Variants in INSL6 observed in about 807,000 individuals in gnomAD.
INSL6 encodes insulin-like peptide INSL6.
In INSL6, 16 loss-of-function variants were observed where a neutral mutation model predicts 9.4. The observed-to-expected ratio is 1.70, with a 90% CI of 1.15 to 2.59. INSL6 has a LOEUF of 2.59. Ranked by LOEUF, INSL6 falls within the 30% of genes most tolerant of loss-of-function variation. The pLI, the probability that INSL6 is intolerant of heterozygous loss-of-function variation, is 0.00. For missense variants in INSL6, 391 were observed against 257.3 expected (o/e 1.52, Z -3.56); for synonymous variants, 154 against 96.9 (o/e 1.59, Z -3.46).
At chr9:5,083,391 G>A in the INSL6 span, among the ~76,000 whole-genome samples, 3 of 152,142 alleles carry the variant, frequency 2.0e-5, no homozygotes, top group African/African-American at 7.2e-5. Context: ...GCTAGGATAA[G>A]GTTCTCACTA....
chr9:5,146,889 T>A (rs1035613018), intron 2 of INSL6, among the ~76,000 whole-genome samples: 5 of 152,110 alleles, frequency 3.3e-5, no homozygotes, highest in Admixed American at 3.3e-4. Flanking sequence ...AGCTATGGTG[T>A]GGGCCTCAGG....
the INSL6 span, chr9:5,112,113 C>T: frequency 6.0e-6 from 2 of 334,994 alleles, no homozygotes; most frequent in South Asian, 4.7e-5. Flanking sequence ...AGGGCATCCA[C>T]GTGCTCTGCA....
the INSL6 span, among the ~76,000 whole-genome samples, chr9:5,028,631 A>G: frequency 2.0e-5 from 3 of 152,180 alleles, no homozygotes; most frequent in Admixed American, 6.5e-5. Context: ...CTGAAAATCT[A>G]TTGTTTATCA....
the INSL6 span, chr9:5,069,852 T>A: frequency 1.0e-6 from 1 of 979,030 alleles, no homozygotes; most frequent in South Asian, 2.2e-5. Flanking sequence ...ACACATTTCA[T>A]TTTACTCCTC....
At chr9:5,003,977 A>G in the INSL6 span, among the ~76,000 whole-genome samples, 1 of 152,116 alleles carries the variant, frequency 6.6e-6, no homozygotes, top group Non-Finnish European at 1.5e-5. Context: ...CATTGTGCTA[A>G]TAATGTAAAA....
Position 5,148,852 on chromosome 9 carries a change from C to G in INSL6, c.377-15260G>C, listed in dbSNP as rs145932221. ...AGGTAGAGCAAGGCACCAGGCTGTG[C>G]ATCAGAGGCTTCACTGATTACACTA... On this transcript the variant is annotated intron_variant, in intron 2 of 3. Coordinates refer to the INSL6 transcript ENST00000649639. 8.8e-3 allele frequency among the ~76,000 whole-genome samples: 1,335 copies of G among 152,322 alleles called. 17 individuals carry two copies. The highest frequency in any genetic ancestry group is 0.029 in the African/African-American group (1,210 of 41,562).
At chr9:5,125,932 C>T (rs1385457662) in intron 3 of INSL6, 2 of 152,344 alleles carry the variant, frequency 1.3e-5, no homozygotes, top group African/African-American at 4.8e-5. Context: ...TAAACTTTGA[C>T]ATATGAAAGT....
downstream of INSL6, chr9:5,123,116 C>G: frequency 1.3e-6 from 2 of 1,576,970 alleles, no homozygotes; most frequent in African/African-American, 2.7e-5. Flanking sequence ...TAAAAGTCCA[C>G]CAGCGGTCAG....
chr9:5,003,644 C>T, the INSL6 span, among the ~76,000 whole-genome samples: 1 of 152,048 alleles, frequency 6.6e-6, no homozygotes. Context: ...GACATGTCCT[C>T]TATGAATACT....
At chr9:5,006,472 T>G in the INSL6 span, among the ~76,000 whole-genome samples, 112 of 152,296 alleles carry the variant, frequency 7.4e-4, no homozygotes, top group African/African-American at 2.6e-3. Flanking sequence ...CTCATATTGC[T>G]ATAAAGAGCT....
chr9:5,175,385 C>CT (rs1825275700), intron 1 of INSL6, among the ~76,000 whole-genome samples: 1 of 152,178 alleles, frequency 6.6e-6, no homozygotes, highest in Admixed American at 6.5e-5. Flanking sequence ...CTACTCTTGC[C>CT]TTTCTACAGT....
intron 3 of INSL6, chr9:5,131,972 G>A (rs1824301158): frequency 6.6e-6 from 1 of 152,132 alleles, no homozygotes; most frequent in South Asian, 2.1e-4. Context: ...TGAAGACAGT[G>A]TGAATCTCAT....
chr9:5,033,006 T>TA, the INSL6 span, among the ~76,000 whole-genome samples: 1 of 152,146 alleles, frequency 6.6e-6, no homozygotes, highest in South Asian at 2.1e-4. Flanking sequence ...GAAAAAAAAT[T>TA]AGACAAATGG....
At chr9:5,086,734 G>C in the INSL6 span, among the ~76,000 whole-genome samples, 1 of 152,054 alleles carries the variant, frequency 6.6e-6, no homozygotes, top group African/African-American at 2.4e-5. Context: ...TAACTTTATA[G>C]CCTTTGGCTT....
the INSL6 span, among the ~76,000 whole-genome samples, chr9:5,078,045 T>C: frequency 6.6e-6 from 1 of 152,202 alleles, no homozygotes; most frequent in African/African-American, 2.4e-5. Context: ...ACACAAACCA[T>C]GTCAGCCTTA....
the INSL6 span, among the ~76,000 whole-genome samples, chr9:5,096,463 A>T: frequency 6.6e-6 from 1 of 152,124 alleles, no homozygotes; most frequent in Non-Finnish European, 1.5e-5. Flanking sequence ...TAAATACCCT[A>T]ATCAACTGGC....
the INSL6 span, among the ~76,000 whole-genome samples, chr9:5,082,487 T>A: frequency 6.6e-6 from 1 of 152,368 alleles, no homozygotes; most frequent in Middle Eastern, 3.4e-3. Context: ...AATGAACAAA[T>A]GTATAATTGG....
the INSL6 span, among the ~76,000 whole-genome samples, chr9:5,071,636 G>A: frequency 6.6e-6 from 1 of 152,140 alleles, no homozygotes; most frequent in East Asian, 1.9e-4. Context: ...GAAAGAAATG[G>A]ATTATATGAA....
chr9:5,109,788 G>C, the INSL6 span: 2 of 152,092 alleles, frequency 1.3e-5, no homozygotes, highest in Middle Eastern at 3.2e-3. Flanking sequence ...TTCTCAATAT[G>C]ATATATAAAC....
Sources: gnomAD v4.1 joint callset for allele counts (sites outside exome capture counted in the v4.1 genomes callset) on GRCh38, gnomAD v4.1.1 for gene constraint, MANE v1.5 for transcripts, NCBI Gene and HGNC (gene_info 2026-07-23, HGNC 2026-07-21) for gene names.